ABL2: variants seen among roughly 807,000 people sequenced by gnomAD.
ABL2 encodes ABL proto-oncogene 2, non-receptor tyrosine kinase, also known as tyrosine-protein kinase ABL2.
Under a neutral mutation model 107.7 loss-of-function variants are expected in ABL2, and 49 were observed. That is an observed-to-expected ratio of 0.45 (90% CI 0.36 to 0.58). The LOEUF is 0.58. Ranked by LOEUF, ABL2 falls within the 20% of genes least tolerant of loss-of-function variation. The probability of loss-of-function intolerance (pLI) is 0.00; values close to 1 mark genes in which losing one functional copy is unlikely to be tolerated. For missense variants in ABL2, 1,245 were observed against 1,457.0 expected, an observed-to-expected ratio of 0.85 and a Z score of 2.37; for synonymous variants, 549 against 548.6, an observed-to-expected ratio of 1.00 and a Z score of -0.01.
rs138289767 is a variant in ABL2, at chr1:179,114,002, C to A, written c.1561+876G>T. On this transcript the variant is annotated intron_variant, in intron 9 of 11. Coordinates refer to ENST00000502732, the MANE Select transcript of ABL2 (RefSeq NM_007314.4). ...GGGCGTGGTGGCTCATGCCTGTAAT[C>A]CCAGCACTTTGGGAGGCTAAGGCGG... Among the ~76,000 whole-genome samples the A allele has an allele frequency of 5.0e-3, 755 of 152,152 alleles. 5 individuals are homozygous for A. The highest frequency in any genetic ancestry group is 0.017 in the African/African-American group (693 of 41,510).
chr1:179,212,531 G>C (rs568639643), intron 1 of ABL2, among the ~76,000 whole-genome samples: 2 of 148,818 alleles, frequency 1.3e-5, no homozygotes, highest in Non-Finnish European at 3.0e-5. Flanking sequence ...TCGGGAGTTC[G>C]AGACCAGCCT....
At chr1:179,113,773 C>CA (rs1654331973) in intron 9 of ABL2, among the ~76,000 whole-genome samples, 2 of 150,930 alleles carry the variant, frequency 1.3e-5, no homozygotes, top group East Asian at 2.0e-4. Flanking sequence ...CTAAAAAATG[C>CA]AAAAAAAATT....
At position 179,101,097 on chromosome 1, in the gene ABL2, CGT is replaced by C. The variant is rs1289442677; in HGVS notation, c.*6619_*6620del. Reference sequence around the variant, plus strand: ...TCTGGCCACTGCCATCTGAGAAGCTCGTGTCTACCAGCTCTAGTTCAATAATC... The same window carrying C: ...TCTGGCCACTGCCATCTGAGAAGCTCGTCTACCAGCTCTAGTTCAATAATC... On this transcript the variant is annotated 3_prime_UTR_variant, in exon 12 of 12. Transcript: ENST00000502732. 3 of 231,116 alleles carry C rather than the reference CGT, an allele frequency of 1.3e-5. No homozygotes were observed. In the Admixed American group the frequency reaches 1.7e-4, roughly 13 times the overall value. 14.3% of individuals were successfully genotyped at this position (231,116 alleles called of 1,614,324 possible).
At chr1:179,192,199 C>T (rs1322331009) in intron 1 of ABL2, among the ~76,000 whole-genome samples, 1 of 152,188 alleles carries the variant, frequency 6.6e-6, no homozygotes, top group Non-Finnish European at 1.5e-5. Flanking sequence ...TTGGCTCTCA[C>T]TCTACCAAAG....
intron 1 of ABL2, among the ~76,000 whole-genome samples, chr1:179,199,731 CTTTTTTTTT>C (rs55794608): frequency 7.3e-6 from 1 of 136,184 alleles, no homozygotes; most frequent in Non-Finnish European, 1.6e-5. Context: ...ACACTTTTTC[CTTTTTTTTT>C]TTTTTTTTTG....
chr1:179,215,184 A>T (rs1179433216), intron 1 of ABL2, among the ~76,000 whole-genome samples: 1 of 151,934 alleles, frequency 6.6e-6, no homozygotes, highest in Non-Finnish European at 1.5e-5. Context: ...TTGGGGAGAA[A>T]ATTCATACAG....
In ABL2 at chr1:179,197,889, T is replaced by C. The variant is rs116175289; in HGVS notation, c.157+31352A>G. Among the ~76,000 whole-genome samples the C allele has an allele frequency of 7.0e-3, 1,060 of 150,446 alleles. 6 individuals carry two copies. Among genetic ancestry groups the C allele is most frequent in the Non-Finnish European group, 0.013 (878 of 67,348 alleles). ...TCTCAAAAAAAAAAAAAAAATTGTT[T>C]TCTGCTGGGCACAGTGGCTCACACC... On this transcript the variant is annotated intron_variant, in intron 1 of 11. Transcript: ENST00000502732.
At chr1:179,185,851 T>A (rs564975105) in intron 1 of ABL2, among the ~76,000 whole-genome samples, 1 of 152,298 alleles carries the variant, frequency 6.6e-6, no homozygotes, top group South Asian at 2.1e-4. Flanking sequence ...AAAAATTACC[T>A]TCTAAACCAT....
At chr1:179,144,254 G>A (rs1458357616) in intron 1 of ABL2, among the ~76,000 whole-genome samples, 5 of 151,760 alleles carry the variant, frequency 3.3e-5, no homozygotes, top group African/African-American at 7.3e-5. Flanking sequence ...TCAGGAGATC[G>A]AGACCATCCT....
Position 179,111,770 on chromosome 1 carries a change from G to A in ABL2, c.1651+539C>T, listed in dbSNP as rs974613965. 3.9e-5 allele frequency among the ~76,000 whole-genome samples: 6 copies of A among 152,212 alleles called. No homozygotes were observed. The South Asian group carries it at 8.3e-4, about 21-fold the overall frequency. ...GTCAATATATCCAAGAAGGCCGGGC[G>A]CTGTGGCTCACACATGTAATCCCAG... On this transcript the variant is annotated intron_variant, in intron 10 of 11. Transcript: ENST00000502732.
chr1:179,141,794 A>G (rs1657618040), intron 1 of ABL2, among the ~76,000 whole-genome samples: 1 of 152,172 alleles, frequency 6.6e-6, no homozygotes. Flanking sequence ...ACACCATTCT[A>G]CCCATTAGCA....
At position 179,109,399 on chromosome 1, in the gene ABL2, A is replaced by G. The variant is rs1247992024; in HGVS notation, c.1868T>C (p.Leu623Pro). The G allele has an allele frequency of 6.2e-7, 1 of 1,613,882 alleles. No individual in the cohort carries two copies. Among genetic ancestry groups the G allele is most frequent in the Non-Finnish European group, 8.5e-7 (1 of 1,179,998 alleles). ...GAQASSGSPA[L>P]PRKQRDKSPS... ...TGACTTGTCTCTTTGCTTTCGAGGC[A>G]GTGCTGGGGATCCACTAGAGGCCTG... Residue 623 changes from leucine (L) to proline (P), a missense_variant, in exon 12 of 12, where the codon CTG (leucine) becomes CCG (proline). Physicochemically the swap from Leu to Pro is moderately conservative, Grantham distance 98. Coordinates refer to ENST00000502732, the MANE Select transcript of ABL2 (RefSeq NM_007314.4).
chr1:179,112,302 T>TTC lies in ABL2; in HGVS notation c.1651+5_1651+6dup, dbSNP rs1325435068. The TTC allele has an allele frequency of 3.7e-6, 6 of 1,610,530 alleles. No homozygotes were observed. Among genetic ancestry groups the TTC allele is most frequent in the African/African-American group, 1.3e-5 (1 of 74,840 alleles). On this transcript the variant is annotated splice_region_variant and intron_variant, in intron 10 of 11. Transcript: ENST00000502732. ...AGTCACCAACAGTAAATCCAACAGATTCTCACCTTCAGAAATGCTGGAGTC... is the reference window on the plus strand; with the variant it reads ...AGTCACCAACAGTAAATCCAACAGATTCTCTCACCTTCAGAAATGCTGGAGTC...
intron 10 of ABL2, among the ~76,000 whole-genome samples, chr1:179,111,749 A>G (rs1418731567): frequency 6.6e-6 from 1 of 152,118 alleles, no homozygotes; most frequent in Admixed American, 6.5e-5. Flanking sequence ...TTCCATGTCA[A>G]TATATCCAAG....
chr1:179,175,045 T>A (rs12747066), intron 1 of ABL2, among the ~76,000 whole-genome samples: 56 of 151,932 alleles, frequency 3.7e-4, no homozygotes, highest in East Asian at 3.3e-3. Context: ...TTAGTTTTTT[T>A]AAAAAAATAG....
chr1:179,191,646 T>A, intron 1 of ABL2, among the ~76,000 whole-genome samples: 1 of 152,148 alleles, frequency 6.6e-6, no homozygotes, highest in East Asian at 1.9e-4. Context: ...GGTCTTGAAC[T>A]CATTACCTCA....
chr1:179,210,511 A>G (rs1558001351), intron 1 of ABL2, among the ~76,000 whole-genome samples: 2 of 150,628 alleles, frequency 1.3e-5, no homozygotes, highest in African/African-American at 2.5e-5. Flanking sequence ...CACAAAAAAA[A>G]AAAAAAAGAA....
At chr1:179,190,742 T>C (rs990703774) in intron 1 of ABL2, among the ~76,000 whole-genome samples, 1 of 152,116 alleles carries the variant, frequency 6.6e-6, no homozygotes, top group Non-Finnish European at 1.5e-5. Flanking sequence ...CTCATTAGCA[T>C]ACAAAAGATG....
At chr1:179,120,124 A>G (rs1321959086) in intron 6 of ABL2, 66 bp downstream of exon 6, 2 of 967,348 alleles carry the variant, frequency 2.1e-6, no homozygotes, top group African/African-American at 1.7e-5. Flanking sequence ...AAGCATTTGG[A>G]GATAACAAGG....
Sources: gnomAD v4.1 joint callset for allele counts (sites outside exome capture counted in the v4.1 genomes callset) on GRCh38, gnomAD v4.1.1 for gene constraint, MANE v1.5 for transcripts, NCBI Gene and HGNC (gene_info 2026-07-23, HGNC 2026-07-21) for gene names.